The following UGT1A8 variants were observed in gnomAD, a reference collection of about 807,000 sequenced individuals.
UGT1A8 encodes the protein UDP glucuronosyltransferase family 1 member A8.
Under a neutral mutation model 45.3 loss-of-function variants are expected in UGT1A8, and 39 were observed. The ratio of observed to expected loss-of-function variants is 0.86; its 90% CI spans 0.67 to 1.12. The LOEUF (loss-of-function observed/expected upper bound fraction) is 1.12, where lower values mean the gene tolerates loss of function less well. UGT1A8 is among the 50% of genes most tolerant of loss of function. UGT1A8 has a pLI of 0.00. For missense variants in UGT1A8, 719 were observed against 664.9 expected, an observed-to-expected ratio of 1.08 and a Z score of -0.90; for synonymous variants, 275 against 249.2, an observed-to-expected ratio of 1.10 and a Z score of -0.97.
intron 1 of UGT1A8, chr2:233,756,116 T>G (rs939719556): frequency 6.6e-6 from 1 of 152,230 alleles, no homozygotes; most frequent in Non-Finnish European, 1.5e-5. Flanking sequence ...AGTTTTGACT[T>G]TGTAAAATTC....
chr2:233,669,973 C>T (rs1222497145), intron 1 of UGT1A8, among the ~76,000 whole-genome samples: 1 of 152,090 alleles, frequency 6.6e-6, no homozygotes, highest in Non-Finnish European at 1.5e-5. Context: ...GTGTGAGCCA[C>T]CACGCCCAGC....
At chr2:233,628,500 C>G (rs2073132040) in intron 1 of UGT1A8, among the ~76,000 whole-genome samples, 1 of 152,034 alleles carries the variant, frequency 6.6e-6, no homozygotes, top group South Asian at 2.1e-4. Flanking sequence ...CGTATTTGTT[C>G]TAGGAGATTT....
At chr2:233,694,086 G>A (rs45532642) in intron 1 of UGT1A8, among the ~76,000 whole-genome samples, 2 of 152,146 alleles carry the variant, frequency 1.3e-5, no homozygotes, top group Non-Finnish European at 1.5e-5. Context: ...GGCAAGAGTA[G>A]GAGATTTGCT....
chr2:233,693,020 C>A lies in UGT1A8; in HGVS notation c.856-74014C>A, dbSNP rs546429827. ...TCTTTCCAGGATGGCCTGCCTCCTT[C>A]GCTCATTTCAGAGAATTTCTGCAGG... On this transcript the variant is annotated intron_variant, in intron 1 of 4. Transcript: ENST00000373450. 8 of 1,614,146 alleles carry A rather than the reference C, an allele frequency of 5.0e-6. No individual in the cohort carries two copies. The South Asian group carries it at 7.7e-5, about 16-fold the overall frequency.
chr2:233,728,992 A>G (rs990793859), intron 1 of UGT1A8: 2 of 1,544,002 alleles, frequency 1.3e-6, no homozygotes, highest in Admixed American at 1.9e-5. Flanking sequence ...ATAATTAACT[A>G]GAGGAGGGCA....
At chr2:233,707,542 T>A (rs2075970196) in intron 1 of UGT1A8, among the ~76,000 whole-genome samples, 1 of 151,954 alleles carries the variant, frequency 6.6e-6, no homozygotes, top group Admixed American at 6.6e-5. Flanking sequence ...TCTTGCCTTT[T>A]TTTTTTTTTT....
intron 1 of UGT1A8, among the ~76,000 whole-genome samples, chr2:233,630,772 G>T (rs2073172278): frequency 6.7e-6 from 1 of 150,184 alleles, no homozygotes; most frequent in Non-Finnish European, 1.5e-5. Flanking sequence ...AGATGTTCAG[G>T]TTTGTTACAT....
intron 1 of UGT1A8, chr2:233,647,847 GTTTTCTCCA>G: frequency 1.6e-6 from 2 of 1,228,044 alleles, no homozygotes; most frequent in Non-Finnish European, 2.2e-6. Context: ...GGTGTCATTG[GTTTTCTCCA>G]TTGTTTTTCT....
chr2:233,648,878 A>T (rs2073670237), intron 1 of UGT1A8: 1 of 1,278,364 alleles, frequency 7.8e-7, no homozygotes. Flanking sequence ...GAAATTCTCC[A>T]AACACCTGTC....
rs1431624196 is a variant in UGT1A8, at chr2:233,711,879, AG to A, written c.856-55153del. Among the ~76,000 whole-genome samples, 5 of 152,344 alleles carry A rather than the reference AG, an allele frequency of 3.3e-5. No homozygotes were observed. The South Asian group carries it at 8.3e-4, about 25-fold the overall frequency. On this transcript the variant is annotated intron_variant, in intron 1 of 4. Transcript: ENST00000373450. ...ACAAGTATGAGTGACTTTCTGGAGC[AG>A]GACGAGTCTCATGGGCGTGAGACCA...
intron 1 of UGT1A8, among the ~76,000 whole-genome samples, chr2:233,641,937 T>C (rs1367939679): frequency 6.6e-6 from 1 of 152,216 alleles, no homozygotes; most frequent in Non-Finnish European, 1.5e-5. Flanking sequence ...GAATCTTTTC[T>C]TTATCCTTGA....
chr2:233,699,396 A>G (rs1384034823), intron 1 of UGT1A8, among the ~76,000 whole-genome samples: 1 of 152,216 alleles, frequency 6.6e-6, no homozygotes, highest in African/African-American at 2.4e-5. Flanking sequence ...CAATTTTAGA[A>G]GAGAATTTAG....
chr2:233,742,167 C>G (rs1211667030), intron 1 of UGT1A8, among the ~76,000 whole-genome samples: 2 of 151,916 alleles, frequency 1.3e-5, no homozygotes, highest in Non-Finnish European at 2.9e-5. Flanking sequence ...GACACACACA[C>G]AGAAATATAG....
intron 1 of UGT1A8, among the ~76,000 whole-genome samples, chr2:233,628,441 AAAG>A (rs1410437230): frequency 1.3e-5 from 2 of 152,142 alleles, no homozygotes; most frequent in African/African-American, 4.8e-5. Flanking sequence ...CTGTATATAG[AAAG>A]AAGATTAGTT....
At chr2:233,710,850 T>C (rs924657969) in intron 1 of UGT1A8, among the ~76,000 whole-genome samples, 5 of 152,176 alleles carry the variant, frequency 3.3e-5, no homozygotes, top group African/African-American at 1.2e-4. Flanking sequence ...GGAGGATTTG[T>C]TTCTATGTTT....
chr2:233,617,707 C>G lies in UGT1A8; in HGVS notation c.-1C>G, dbSNP rs746950645. 8 of 1,611,100 alleles carry G rather than the reference C, an allele frequency of 5.0e-6. No individual in the cohort carries two copies. Among genetic ancestry groups the G allele is most frequent in the Non-Finnish European group, 4.2e-6 (5 of 1,178,242 alleles). On this transcript the variant is annotated 5_prime_UTR_variant, in exon 1 of 5. Transcript: ENST00000373450. ...CTGCTGGCTCGGGCTGCAGTTCTCTCATGGCTCGCACAGGGTGGACCAGCC... is the reference window on the plus strand; with the variant it reads ...CTGCTGGCTCGGGCTGCAGTTCTCTGATGGCTCGCACAGGGTGGACCAGCC...
intron 1 of UGT1A8, among the ~76,000 whole-genome samples, chr2:233,627,015 C>G (rs1299848776): frequency 6.6e-6 from 1 of 151,568 alleles, no homozygotes; most frequent in African/African-American, 2.4e-5. Flanking sequence ...CTTGTCCCCT[C>G]AAGGCTTAAG....
intron 1 of UGT1A8, chr2:233,719,772 T>G: frequency 6.2e-7 from 1 of 1,611,636 alleles, no homozygotes; most frequent in South Asian, 1.1e-5. Flanking sequence ...CTTCCATATC[T>G]ACTTATCTTT....
chr2:233,653,913 C>G (rs2073795451), intron 1 of UGT1A8, among the ~76,000 whole-genome samples: 1 of 152,192 alleles, frequency 6.6e-6, no homozygotes, highest in South Asian at 2.1e-4. Context: ...TGTTATCTTT[C>G]ACAGATGCAG....
Sources: allele counts gnomAD v4.1 joint callset (sites outside exome capture counted in the v4.1 genomes callset), GRCh38; gene constraint gnomAD v4.1.1; transcripts MANE v1.5; gene names NCBI Gene and HGNC (gene_info 2026-07-23, HGNC 2026-07-21).